The following PRKAR1A variants were observed in gnomAD, a reference collection of about 807,000 sequenced individuals.
The protein encoded by PRKAR1A is protein kinase cAMP-dependent type I regulatory subunit alpha.
Under a neutral mutation model 52.0 loss-of-function variants are expected in PRKAR1A, and 3 were observed. The ratio of observed to expected loss-of-function variants is 0.06; its 90% CI spans 0.03 to 0.15. The LOEUF (loss-of-function observed/expected upper bound fraction) is 0.15, where lower values mean the gene tolerates loss of function less well. Ranked by LOEUF, PRKAR1A falls within the 10% of genes least tolerant of loss-of-function variation. The pLI, the probability that PRKAR1A is intolerant of heterozygous loss-of-function variation, is 1.00. For synonymous variants in PRKAR1A, 188 were observed against 168.4 expected (o/e 1.12, Z -0.90); for missense variants, 240 against 477.4 (o/e 0.50, Z 4.63).
the PRKAR1A span, among the ~76,000 whole-genome samples, chr17:68,464,383 A>G: frequency 6.6e-6 from 1 of 152,318 alleles, no homozygotes; most frequent in African/African-American, 2.4e-5. Flanking sequence ...TCTTACTGAG[A>G]TGCCTCATGG....
the PRKAR1A span, among the ~76,000 whole-genome samples, chr17:68,474,398 G>T: frequency 6.6e-6 from 1 of 152,174 alleles, no homozygotes; most frequent in African/African-American, 2.4e-5. Context: ...CTCCCCAGGC[G>T]TGTACAGGAG....
chr17:68,459,434 T>A, the PRKAR1A span, among the ~76,000 whole-genome samples: 1 of 152,366 alleles, frequency 6.6e-6, no homozygotes, highest in Middle Eastern at 3.4e-3. Flanking sequence ...GGAGCTGGTG[T>A]TAGTTTTTGA....
In PRKAR1A at chr17:68,532,055, A is replaced by G. The variant is rs144632545; in HGVS notation, c.*1606A>G. ...AAAAACTTTTAGGTTGTTACCAAGT[A>G]TGAAGTATAAATCTGGGGAAGAGGT... is the stretch of plus-strand genomic sequence containing the variant. On this transcript the variant is annotated 3_prime_UTR_variant, in exon 11 of 11. Coordinates refer to ENST00000589228, the MANE Select transcript of PRKAR1A (RefSeq NM_002734.5). The G allele has an allele frequency of 2.6e-5, 28 of 1,065,386 alleles. No homozygotes were observed. The East Asian group carries it at 1.4e-3, about 51-fold the overall frequency. The allele number at this position is 1,065,386 out of a possible 1,614,324, so 66.0% of individuals were successfully genotyped here.
the PRKAR1A span, among the ~76,000 whole-genome samples, chr17:68,477,029 G>A: frequency 6.6e-6 from 1 of 152,020 alleles, no homozygotes. Context: ...AAAATAATAT[G>A]GCTTTTGCTA....
the PRKAR1A span, among the ~76,000 whole-genome samples, chr17:68,425,715 C>T: frequency 6.6e-6 from 1 of 152,130 alleles, no homozygotes; most frequent in African/African-American, 2.4e-5. Flanking sequence ...TCCATGGGAG[C>T]CTCAGGAAAA....
At chr17:68,499,834 G>A in the PRKAR1A span, among the ~76,000 whole-genome samples, 3 of 152,210 alleles carry the variant, frequency 2.0e-5, no homozygotes, top group African/African-American at 7.2e-5. Context: ...ATCAGCGTTG[G>A]TCAAAGTATG....
At chr17:68,486,742 G>T in the PRKAR1A span, among the ~76,000 whole-genome samples, 2,818 of 151,626 alleles carry the variant, frequency 0.019, 95 homozygotes, top group African/African-American at 0.065. Context: ...TGAAACTTGA[G>T]CTGAAAATCT....
downstream of PRKAR1A, among the ~76,000 whole-genome samples, chr17:68,534,905 T>A (rs1360937626): frequency 6.6e-6 from 1 of 152,216 alleles, no homozygotes; most frequent in East Asian, 1.9e-4. Flanking sequence ...CTAGGAGCAA[T>A]GTTCAGTATT....
At chr17:68,462,605 A>G in the PRKAR1A span, among the ~76,000 whole-genome samples, 1 of 152,206 alleles carries the variant, frequency 6.6e-6, no homozygotes, top group Non-Finnish European at 1.5e-5. Context: ...TGCATATGCC[A>G]AAGTGGAGAC....
chr17:68,542,964 A>G (rs564609529), intron 11 of PRKAR1A, among the ~76,000 whole-genome samples: 70 of 152,326 alleles, frequency 4.6e-4, no homozygotes, highest in Middle Eastern at 6.8e-3. Context: ...GGTAGTGCCC[A>G]GGTCAACACT....
At chr17:68,540,468 G>A in intron 11 of PRKAR1A, 1 of 469,844 alleles carries the variant, frequency 2.1e-6, no homozygotes, top group Non-Finnish European at 4.2e-6. Flanking sequence ...CTGGAAGGTG[G>A]AATTACTAGT....
chr17:68,450,453 C>T, the PRKAR1A span, among the ~76,000 whole-genome samples: 7 of 152,162 alleles, frequency 4.6e-5, no homozygotes, highest in South Asian at 2.1e-4. Flanking sequence ...CCCATCCCTG[C>T]GGTGCCCAAT....
At chr17:68,549,083 A>G (rs1486862017) in intron 11 of PRKAR1A, among the ~76,000 whole-genome samples, 1 of 152,144 alleles carries the variant, frequency 6.6e-6, no homozygotes. Flanking sequence ...GCTGTGAGTT[A>G]TGTTAATTTA....
chr17:68,520,522 C>T (rs2085571960), intron 2 of PRKAR1A, among the ~76,000 whole-genome samples: 1 of 152,044 alleles, frequency 6.6e-6, no homozygotes, highest in African/African-American at 2.4e-5. Context: ...ATTTTACAGG[C>T]ATAGAATGTG....
At chr17:68,481,494 A>G in the PRKAR1A span, among the ~76,000 whole-genome samples, 1 of 152,228 alleles carries the variant, frequency 6.6e-6, no homozygotes, top group South Asian at 2.1e-4. Context: ...CACACAGCCT[A>G]GATCCCTCAC....
the PRKAR1A span, among the ~76,000 whole-genome samples, chr17:68,479,210 TCA>T: frequency 7.2e-5 from 11 of 152,262 alleles, no homozygotes; most frequent in Admixed American, 1.3e-4. Context: ...TTAGGTTTAT[TCA>T]CAGTCTTAAT....
chr17:68,526,232 A>C (rs2085786555), intron 7 of PRKAR1A, among the ~76,000 whole-genome samples: 1 of 152,212 alleles, frequency 6.6e-6, no homozygotes, highest in Non-Finnish European at 1.5e-5. Context: ...AGTTATACCC[A>C]TTACAGCATG....
chr17:68,540,642 G>C (rs917089032), intron 11 of PRKAR1A: 8 of 683,584 alleles, frequency 1.2e-5, no homozygotes, highest in Non-Finnish European at 1.8e-5. Flanking sequence ...TATGAGTGAC[G>C]ACCCCTTGAG....
Position 68,543,798 on chromosome 17 carries a change from C to T in PRKAR1A, c.974-7286C>T, listed in dbSNP as rs759181848. ...TGAGAAGAGAGCTGATGAGCATGAC[C>T]AGCGAGAAAGGAAAACGGGCTTTTA... is the stretch of plus-strand genomic sequence containing the variant. On this transcript the variant is annotated intron_variant, in intron 11 of 11. Transcript: ENST00000585981. 5.4e-6 allele frequency: 7 copies of T among 1,291,758 alleles called. No individual in the cohort carries two copies. In the South Asian group the frequency reaches 8.3e-5, roughly 15 times the overall value. The allele number at this position is 1,291,758 out of a possible 1,614,324, so 80.0% of individuals were successfully genotyped here.
Sources: gnomAD v4.1 joint callset for allele counts (sites outside exome capture counted in the v4.1 genomes callset) on GRCh38, gnomAD v4.1.1 for gene constraint, MANE v1.5 for transcripts, NCBI Gene and HGNC (gene_info 2026-07-23, HGNC 2026-07-21) for gene names.